RBM45: variants seen among roughly 807,000 people sequenced by gnomAD.
The protein encoded by RBM45 is RNA binding motif protein 45, also known as RNA-binding protein 45.
In RBM45, 39 loss-of-function variants were observed where a neutral mutation model predicts 58.5. The ratio of observed to expected loss-of-function variants is 0.67; its 90% CI spans 0.52 to 0.87. RBM45 has a LOEUF of 0.87. Among genes scored for constraint, RBM45 ranks in the 40% least tolerant of loss-of-function variants. The pLI is 0.00. For missense variants in RBM45, 481 were observed against 581.6 expected, an observed-to-expected ratio of 0.83 and a Z score of 1.78; for synonymous variants, 193 against 203.0, an observed-to-expected ratio of 0.95 and a Z score of 0.42.
chr2:178,124,807 C>G (rs2087905472), intron 8 of RBM45, among the ~76,000 whole-genome samples: 1 of 151,980 alleles, frequency 6.6e-6, no homozygotes, highest in South Asian at 2.1e-4. Context: ...GAGTGAGACC[C>G]TTTTTGTTTT....
exon 4 of RBM45, chr2:178,138,700 T>C (rs1220515163): frequency 6.6e-6 from 1 of 152,158 alleles, no homozygotes; most frequent in Admixed American, 6.5e-5. Flanking sequence ...TCGGTGAGTA[T>C]TGAAATCATC....
chr2:178,131,659 A>G (rs182422905), downstream of RBM45, among the ~76,000 whole-genome samples: 4 of 152,308 alleles, frequency 2.6e-5, no homozygotes, highest in East Asian at 7.7e-4. Flanking sequence ...ATCATATGAT[A>G]CCTCTCTACC....
At chr2:178,136,272 T>C (rs1002000513) in intron 3 of RBM45, among the ~76,000 whole-genome samples, 3 of 152,232 alleles carry the variant, frequency 2.0e-5, no homozygotes, top group African/African-American at 7.2e-5. Context: ...ATCACGCCAC[T>C]GCACTCCAGC....
At chr2:178,129,813 A>C (rs2087986922), downstream of RBM45, among the ~76,000 whole-genome samples, 1 of 152,240 alleles carries the variant, frequency 6.6e-6, no homozygotes, top group Non-Finnish European at 1.5e-5. Flanking sequence ...TGTATGGCAT[A>C]GTGTAATCGA....
chr2:178,123,488 T>C (rs745438594), intron 5 of RBM45, 34 bp from the exon 6 acceptor site: 8 of 1,533,392 alleles, frequency 5.2e-6, no homozygotes, highest in Non-Finnish European at 7.0e-6. Context: ...TCAGTCTGCT[T>C]TCCTTTTTCA....
downstream of RBM45, among the ~76,000 whole-genome samples, chr2:178,133,134 T>A (rs2088018466): frequency 6.6e-6 from 1 of 152,180 alleles, no homozygotes; most frequent in South Asian, 2.1e-4. Context: ...CCTTGGGCAT[T>A]TTTTAGAATT....
chr2:178,135,039 C>G (rs1176708481), intron 3 of RBM45, among the ~76,000 whole-genome samples: 1 of 152,142 alleles, frequency 6.6e-6, no homozygotes, highest in Non-Finnish European at 1.5e-5. Context: ...AAAGCCTATC[C>G]ACTGTGTTGG....
In RBM45 at chr2:178,116,963, C is replaced by T. The variant is rs567926921; in HGVS notation, c.423+579C>T. The stretch of plus-strand genomic sequence containing the variant: ...AAGGAATTATATTTAAAGAAGAAAA[C>T]GTAAATATAGCTCTGACCTATATAA... On this transcript the variant is annotated intron_variant, in intron 2 of 9. Coordinates refer to ENST00000286070, the MANE Select transcript of RBM45 (RefSeq NM_152945.4). Among the ~76,000 whole-genome samples the T allele has an allele frequency of 1.2e-4, 19 of 152,108 alleles. No homozygotes were observed. The South Asian group carries it at 1.9e-3, about 15-fold the overall frequency.
chr2:178,138,318 G>T (rs6433713), exon 4 of RBM45: 1 of 152,028 alleles, frequency 6.6e-6, no homozygotes, highest in Admixed American at 6.6e-5. Flanking sequence ...AAGATAAAAA[G>T]CACCCTCCGA....
At chr2:178,130,845 G>C (rs2087998513), downstream of RBM45, among the ~76,000 whole-genome samples, 1 of 152,190 alleles carries the variant, frequency 6.6e-6, no homozygotes, top group Admixed American at 6.5e-5. Flanking sequence ...AAAAGTCAGT[G>C]ATTTTAGCAA....
At position 178,124,207 on chromosome 2, in the gene RBM45, T is replaced by C; in HGVS notation, c.1149T>C (p.Pro383=). ...TTCCATCATGCAAAAAAAAAGCTCC[T>C]GCTGAAACTCCTGTGAAAGAAAGAC... ...VVLPSCKKKA[P]AETPVKERLF... Residue 383 remains proline (P), a synonymous_variant, in exon 8 of 10, where the codon CCT becomes CCC. Transcript: ENST00000286070. 1 of 1,611,336 alleles carries C rather than the reference T, an allele frequency of 6.2e-7. No individual in the cohort carries two copies.
chr2:178,124,296 A>C lies in RBM45; in HGVS notation c.1232+6A>C. On this transcript the variant is annotated splice_donor_region_variant and intron_variant, in intron 8 of 9. Coordinates refer to ENST00000286070, the MANE Select transcript of RBM45 (RefSeq NM_152945.4). ...GTATTAGAAGATATATTCTGGTAAG[A>C]AAGTTACATTTTTTGTTATATTTTA... 2 of 1,495,738 alleles carry C rather than the reference A, an allele frequency of 1.3e-6. No homozygotes were observed. The highest frequency in any genetic ancestry group is 1.4e-5 in the African/African-American group (1 of 70,760). 92.7% of individuals were successfully genotyped at this position (1,495,738 alleles called of 1,614,324 possible).
rs2087890167 is a variant in RBM45, at chr2:178,123,862, G to A, written c.1018G>A (p.Ala340Thr). ...LRKMATQMVAAQLASMVWNNP... is the reference protein window; with the variant it reads ...LRKMATQMVATQLASMVWNNP... ...AAAAATGGCAACACAGATGGTAGCT[G>A]CACAGCTTGCATCAATGGTGTGGAA... is the stretch of plus-strand genomic sequence containing the variant. Residue 340 changes from alanine (A) to threonine (T), a missense_variant, in exon 7 of 10, where the codon GCA becomes ACA. Coordinates refer to ENST00000286070, the MANE Select transcript of RBM45 (RefSeq NM_152945.4). 12 of 1,613,906 alleles carry A rather than the reference G, an allele frequency of 7.4e-6. No individual in the cohort carries two copies. Among genetic ancestry groups the A allele is most frequent in the Non-Finnish European group, 1.0e-5 (12 of 1,179,972 alleles).
chr2:178,133,548 G>A (rs189192526), downstream of RBM45, among the ~76,000 whole-genome samples: 27 of 152,234 alleles, frequency 1.8e-4, no homozygotes, highest in East Asian at 5.0e-3. Context: ...CTTGTAAAAC[G>A]AATGCTTTTT....
Position 178,123,101 on chromosome 2 carries a change from G to A in RBM45, c.854-421G>A, listed in dbSNP as rs111496402. ...CCCTACTGCTGCAGATAGCCGGGAT[G>A]AGTATATATTCTTTTCAACTATCAC... On this transcript the variant is annotated intron_variant, in intron 5 of 9. Transcript: ENST00000286070. 4.5e-4 allele frequency among the ~76,000 whole-genome samples: 69 copies of A among 152,262 alleles called. 3 individuals are homozygous for A. The highest frequency in any genetic ancestry group is 4.8e-5 in the African/African-American group (2 of 41,568).
chr2:178,137,108 A>T (rs2088051456), exon 4 of RBM45: 1 of 152,198 alleles, frequency 6.6e-6, no homozygotes, highest in African/African-American at 2.4e-5. Context: ...TTTTAATTTG[A>T]TAGTTAATAT....
At chr2:178,125,619 A>G in intron 8 of RBM45, 1 of 447,750 alleles carries the variant, frequency 2.2e-6, no homozygotes, top group Admixed American at 2.8e-5. Context: ...TATATTAAGG[A>G]ATTTGTTGTC....
Position 178,116,371 on chromosome 2 carries a change from G to GGGAAAAATTTAA in RBM45, c.413_423+1dup. Reference sequence around the variant, plus strand: ...AAGTCCTACACAGAAGAAGATCTGCGGGAAAAATTTAAGGTATTTATTCTA... The same window carrying GGGAAAAATTTAA: ...AAGTCCTACACAGAAGAAGATCTGCGGGAAAAATTTAAGGAAAAATTTAAGGTATTTATTCTA... On this transcript the variant is annotated inframe_insertion, in exon 2 of 10. Transcript: ENST00000286070. 1 of 1,604,082 alleles carries GGGAAAAATTTAA rather than the reference G, an allele frequency of 6.2e-7. No individual in the cohort carries two copies. Among genetic ancestry groups the GGGAAAAATTTAA allele is most frequent in the Non-Finnish European group, 8.5e-7 (1 of 1,177,210 alleles).
intron 3 of RBM45, among the ~76,000 whole-genome samples, chr2:178,119,414 G>A (rs1290964182): frequency 1.3e-5 from 2 of 152,226 alleles, no homozygotes; most frequent in Non-Finnish European, 2.9e-5. Context: ...GCTTGGTGCT[G>A]TGAAGGCAGC....
Sources: allele counts gnomAD v4.1 joint callset (sites outside exome capture counted in the v4.1 genomes callset), GRCh38; gene constraint gnomAD v4.1.1; transcripts MANE v1.5; gene names NCBI Gene and HGNC (gene_info 2026-07-23, HGNC 2026-07-21).